ATAD3A: variants seen among roughly 807,000 people sequenced by gnomAD.
ATAD3A encodes ATPase family AAA domain-containing protein 3A.
A neutral mutation model predicts 73.8 loss-of-function variants in ATAD3A; 46 were observed. The observed-to-expected ratio is 0.62, with a 90% confidence interval of 0.49 to 0.80. The LOEUF (loss-of-function observed/expected upper bound fraction) is 0.80. Among genes scored for constraint, ATAD3A ranks in the 30% least tolerant of loss-of-function variants. The pLI, the probability that ATAD3A is intolerant of heterozygous loss-of-function variation, is 0.00. For missense variants in ATAD3A, 705 were observed against 838.0 expected, an observed-to-expected ratio of 0.84 and a Z score of 1.96; for synonymous variants, 319 against 350.0, an observed-to-expected ratio of 0.91 and a Z score of 0.99.
chr1:1,516,931 C>G, intron 2 of ATAD3A: 1 of 640,960 alleles, frequency 1.6e-6, no homozygotes. Flanking sequence ...AGGCTGGTCT[C>G]GAACTACTAA....
At chr1:1,525,416 T>TG in intron 12 of ATAD3A, 125 bp downstream of exon 12, 3 of 975,328 alleles carry the variant, frequency 3.1e-6, no homozygotes, top group Non-Finnish European at 2.8e-6. Flanking sequence ...AAAACAGCTT[T>TG]TTTTTTTTTT....
chr1:1,523,477 T>A lies in ATAD3A; in HGVS notation c.907-34T>A. 2 of 1,594,360 alleles carry A rather than the reference T, an allele frequency of 1.3e-6. No homozygotes were observed. The highest frequency in any genetic ancestry group is 1.7e-6 in the Non-Finnish European group (2 of 1,171,386). ...GTGGCTGTTCCGTGGCTGTGGCAGGTGACCCGATGGCGCTTCCCCTTCCCC... is the reference window on the plus strand; with the variant it reads ...GTGGCTGTTCCGTGGCTGTGGCAGGAGACCCGATGGCGCTTCCCCTTCCCC... On this transcript the variant is annotated intron_variant, in intron 8 of 15. Transcript: ENST00000378756. The surrounding 1 kb of genome is among the most constrained non-coding windows in gnomAD (Gnocchi z 5.1).
At chr1:1,527,390 T>C (rs1641884667) in intron 13 of ATAD3A, among the ~76,000 whole-genome samples, 1 of 152,102 alleles carries the variant, frequency 6.6e-6, no homozygotes, top group Non-Finnish European at 1.5e-5. Context: ...GGACTCCGGG[T>C]CCCGAATCCC....
chr1:1,527,961 T>A, intron 14 of ATAD3A, 99 bp downstream of exon 14: 4 of 932,824 alleles, frequency 4.3e-6, no homozygotes, highest in Admixed American at 3.4e-5. Context: ...AACATTCCTT[T>A]TTTTTTTTTT....
rs1437226816 is a variant in ATAD3A, at chr1:1,523,691, T to C, written c.963+124T>C. ...CTTTTGGGTCCTGAGATGCGACTGC[T>C]TGGACCGTGCTGGGGATAGATAGGC... On this transcript the variant is annotated intron_variant, in intron 9 of 15. Transcript: ENST00000378756. This position sits in a 1 kb window ranked among gnomAD's most constrained non-coding sequence, Gnocchi z 5.1. 5 of 1,591,000 alleles carry C rather than the reference T, an allele frequency of 3.1e-6. No individual in the cohort carries two copies. The African/African-American group carries it at 4.0e-5, about 13-fold the overall frequency.
chr1:1,531,146 A>G (rs1358931903), intron 15 of ATAD3A, among the ~76,000 whole-genome samples: 1 of 151,860 alleles, frequency 6.6e-6, no homozygotes, highest in African/African-American at 2.4e-5. Flanking sequence ...CAATAGCGTG[A>G]GACTCCATCT....
Position 1,523,027 on chromosome 1 carries a change from T to C in ATAD3A, c.906+128T>C, listed in dbSNP as rs906297048. 1.7e-5 allele frequency: 25 copies of C among 1,461,556 alleles called. No homozygotes were observed. Among genetic ancestry groups the C allele is most frequent in the Non-Finnish European group, 2.0e-5 (22 of 1,097,910 alleles). 90.5% of individuals were successfully genotyped at this position (1,461,556 alleles called of 1,614,324 possible). A position where few individuals can be genotyped will look rare whatever the true frequency, so the allele number is the denominator to read the frequency against. On this transcript the variant is annotated intron_variant, in intron 8 of 15. Coordinates refer to ENST00000378756, the MANE Select transcript of ATAD3A (RefSeq NM_001170535.3). This position sits in a 1 kb window ranked among gnomAD's most constrained non-coding sequence, Gnocchi z 5.1. ...CGGATAACGGGCACCCGCACACTGC[T>C]TCACGGGTGGGTTTTCCTGTCTGGC...
At chr1:1,521,343 C>T (rs1384868568) in intron 7 of ATAD3A, among the ~76,000 whole-genome samples, 1 of 150,882 alleles carries the variant, frequency 6.6e-6, no homozygotes, top group Non-Finnish European at 1.5e-5. Flanking sequence ...GAAGGCAACC[C>T]TGACTCCATT....
intron 1 of ATAD3A, among the ~76,000 whole-genome samples, chr1:1,514,519 G>A (rs1308757802): frequency 3.9e-5 from 6 of 152,280 alleles, no homozygotes; most frequent in African/African-American, 7.2e-5. Flanking sequence ...TGGGGCCCCC[G>A]AGGTTAGCTA....
intron 1 of ATAD3A, among the ~76,000 whole-genome samples, chr1:1,514,637 A>C (rs1641297474): frequency 6.6e-6 from 1 of 152,174 alleles, no homozygotes; most frequent in South Asian, 2.1e-4. Flanking sequence ...GCCTCTGTCT[A>C]AATGCAACGA....
At chr1:1,519,387 C>T (rs1362539942) in intron 5 of ATAD3A, among the ~76,000 whole-genome samples, 1 of 111,856 alleles carries the variant, frequency 8.9e-6, no homozygotes, top group Non-Finnish European at 1.9e-5. Context: ...CCACCACGCC[C>T]AGCTAATTTT....
At chr1:1,530,107 G>T (rs1051582450) in intron 15 of ATAD3A, among the ~76,000 whole-genome samples, 4 of 152,166 alleles carry the variant, frequency 2.6e-5, no homozygotes, top group African/African-American at 7.2e-5. Flanking sequence ...GTTCACAGGG[G>T]GCTGTATTAG....
intron 15 of ATAD3A, among the ~76,000 whole-genome samples, chr1:1,532,605 T>C (rs998135268): frequency 6.6e-6 from 1 of 152,200 alleles, no homozygotes. Context: ...TCTGGTGGGC[T>C]CCTGCCAGGT....
intron 12 of ATAD3A, 84 bp downstream of exon 12, chr1:1,525,375 C>A: frequency 1.9e-5 from 27 of 1,408,226 alleles, no homozygotes; most frequent in South Asian, 2.3e-5. Context: ...GCCCTCTGTT[C>A]AGTTTCTTTT....
chr1:1,532,811 G>A (rs1642074754), intron 15 of ATAD3A, among the ~76,000 whole-genome samples: 1 of 152,052 alleles, frequency 6.6e-6, no homozygotes, highest in Non-Finnish European at 1.5e-5. Flanking sequence ...TGCGGCTCTG[G>A]TCAGTGTCTC....
chr1:1,515,169 C>T (rs1016826359), intron 1 of ATAD3A, among the ~76,000 whole-genome samples: 8 of 152,152 alleles, frequency 5.3e-5, no homozygotes, highest in South Asian at 2.1e-4. Flanking sequence ...CCTCTGTCTC[C>T]GGGGTTCAAG....
Position 1,518,995 on chromosome 1 carries a change from G to A in ATAD3A, c.514+5G>A. 6.8e-6 allele frequency: 11 copies of A among 1,614,154 alleles called. No individual in the cohort carries two copies. Among genetic ancestry groups the A allele is most frequent in the Non-Finnish European group, 9.3e-6 (11 of 1,179,990 alleles). On this transcript the variant is annotated splice_donor_5th_base_variant and intron_variant, in intron 5 of 15. Coordinates refer to ENST00000378756, the MANE Select transcript of ATAD3A (RefSeq NM_001170535.3). ...AGCAGGAAGCCATGCGGCGAGGTAG[G>A]CTGTCTGCTCTCCTGGCTGGGGCGG...
At chr1:1,515,848 C>T (rs1382313234) in intron 1 of ATAD3A, among the ~76,000 whole-genome samples, 164 bp from the exon 2 acceptor site, 5 of 152,174 alleles carry the variant, frequency 3.3e-5, no homozygotes, top group African/African-American at 9.7e-5. Context: ...GATGGTGCAT[C>T]GTCACGCCAG....
In ATAD3A at chr1:1,534,645, G is replaced by A. The variant is rs1393968403; in HGVS notation, c.*573G>A. 6.0e-6 allele frequency: 1 copy of A among 167,700 alleles called. No homozygotes were observed. Among genetic ancestry groups the A allele is most frequent in the Non-Finnish European group, 1.3e-5 (1 of 78,652 alleles). The allele number at this position is 167,700 out of a possible 1,614,324, so 10.4% of individuals were successfully genotyped here. A position where few individuals can be genotyped will look rare whatever the true frequency, so the allele number is the denominator to read the frequency against. On this transcript the variant is annotated 3_prime_UTR_variant, in exon 16 of 16. Coordinates refer to ENST00000378756, the MANE Select transcript of ATAD3A (RefSeq NM_001170535.3). ...TGGCCGGTCCAAGCCTGTGGCTGGA[G>A]CTGGGGTCTGTTTACCTAATAAAGT...
Sources: allele counts gnomAD v4.1 joint callset (sites outside exome capture counted in the v4.1 genomes callset), GRCh38; gene constraint gnomAD v4.1.1; non-coding constraint Gnocchi (gnomAD v3.1); transcripts MANE v1.5; gene names NCBI Gene and HGNC (gene_info 2026-07-23, HGNC 2026-07-21).